The following JAKMIP3 variants were observed in gnomAD, a reference collection of about 807,000 sequenced individuals.
The protein encoded by JAKMIP3 is janus kinase and microtubule-interacting protein 3.
In JAKMIP3, 58 loss-of-function variants were observed where a neutral mutation model predicts 118.5. The ratio of observed to expected loss-of-function variants is 0.49; its 90% CI spans 0.40 to 0.61. JAKMIP3 has a LOEUF of 0.61. JAKMIP3 is among the 20% of genes least tolerant of loss of function. The pLI is 0.00. For synonymous variants in JAKMIP3, 486 were observed against 451.2 expected (o/e 1.08, Z -0.98); for missense variants, 950 against 1,109.0 (o/e 0.86, Z 2.04).
intron 19 of JAKMIP3, among the ~76,000 whole-genome samples, chr10:132,161,311 T>G (rs112539810): frequency 0.024 from 13 of 540 alleles, 1 homozygote; most frequent in Non-Finnish European, 0.04. Flanking sequence ...GATGCTGGGG[T>G]GGTCTCTCCC....
At chr10:132,119,179 C>T (rs189538251) in intron 3 of JAKMIP3, among the ~76,000 whole-genome samples, 167 of 145,590 alleles carry the variant, frequency 1.1e-3, no homozygotes, top group Middle Eastern at 3.4e-3. Flanking sequence ...CCAGATCTCT[C>T]CCCTCCGTAC....
intron 23 of JAKMIP3, chr10:132,169,937 G>C (rs1590026683): frequency 6.6e-6 from 1 of 152,538 alleles, no homozygotes; most frequent in Admixed American, 6.5e-5. Context: ...CTTCAGGTGC[G>C]TGGTGGACGA....
intron 1 of JAKMIP3, among the ~76,000 whole-genome samples, chr10:132,048,798 G>A (rs1485827583): frequency 2.1e-5 from 2 of 94,908 alleles, no homozygotes; most frequent in Admixed American, 1.3e-4. Flanking sequence ...CACCACCCCC[G>A]ACTAATTTTT....
chr10:132,156,202 G>A (rs776659238), intron 19 of JAKMIP3, among the ~76,000 whole-genome samples: 5 of 152,142 alleles, frequency 3.3e-5, no homozygotes, highest in Non-Finnish European at 7.4e-5. Flanking sequence ...CCAGGCCCCC[G>A]CCTCCCTCCC....
At chr10:132,120,733 C>T (rs935792778) in intron 3 of JAKMIP3, among the ~76,000 whole-genome samples, 11 of 152,172 alleles carry the variant, frequency 7.2e-5, no homozygotes, top group Admixed American at 3.3e-4. Context: ...CCCAATGGGG[C>T]CCCCTTGCCT....
chr10:132,125,198 T>C (rs1390399861), intron 3 of JAKMIP3, among the ~76,000 whole-genome samples: 3 of 152,242 alleles, frequency 2.0e-5, no homozygotes, highest in Non-Finnish European at 4.4e-5. Flanking sequence ...GCCTTATTGT[T>C]TTTCTCTTAA....
intron 19 of JAKMIP3, among the ~76,000 whole-genome samples, chr10:132,159,621 T>TCCTCTTCCTTTGTGATGCTGGGGGG (rs779364261): frequency 2.6e-5 from 1 of 38,812 alleles, no homozygotes; most frequent in Non-Finnish European, 4.8e-5. Flanking sequence ...ATGCTGGGGG[T>TCCTCTTCCTTTGTGATGCTGGGGGG]CCTCTTCCTT....
chr10:132,072,390 A>G (rs1270830550), intron 1 of JAKMIP3, among the ~76,000 whole-genome samples: 1 of 152,002 alleles, frequency 6.6e-6, no homozygotes, highest in Non-Finnish European at 1.5e-5. Context: ...ACAAAAAATT[A>G]AAAAATTAGC....
chr10:132,108,569 T>C (rs1405948974), intron 2 of JAKMIP3, among the ~76,000 whole-genome samples: 3 of 151,782 alleles, frequency 2.0e-5, no homozygotes, highest in Non-Finnish European at 4.4e-5. Context: ...CTGACCCTGC[T>C]CCTACCTCAT....
intron 1 of JAKMIP3, among the ~76,000 whole-genome samples, chr10:132,103,906 GC>G (rs1022026224): frequency 6.6e-6 from 1 of 152,104 alleles, no homozygotes; most frequent in African/African-American, 2.4e-5. Flanking sequence ...CCAGCCCCTG[GC>G]ACCCACCATT....
chr10:132,159,670 GGT>G (rs1564981921), intron 19 of JAKMIP3, among the ~76,000 whole-genome samples: 102 of 118,806 alleles, frequency 8.6e-4, no homozygotes, highest in Non-Finnish European at 1.4e-3. Context: ...GATGCTGGGG[GGT>G]CCTCTCCCTA....
At chr10:132,166,917 A>G (rs2058966002) in intron 21 of JAKMIP3, 66 bp from the exon 22 acceptor site, 3 of 1,136,000 alleles carry the variant, frequency 2.6e-6, no homozygotes, top group African/African-American at 3.1e-5. Context: ...TTCTTGCCAG[A>G]AGCACTACAA....
chr10:132,130,484 G>A (rs2050359746), intron 3 of JAKMIP3, among the ~76,000 whole-genome samples: 1 of 152,242 alleles, frequency 6.6e-6, no homozygotes, highest in African/African-American at 2.4e-5. Context: ...GCCCCCCTGA[G>A]GTGCAGACTC....
At chr10:132,060,123 G>C (rs965528165), upstream of JAKMIP3, among the ~76,000 whole-genome samples, 1 of 152,192 alleles carries the variant, frequency 6.6e-6, no homozygotes, top group African/African-American at 2.4e-5. Context: ...GACACTGGAC[G>C]AAATAAGCCC....
intron 2 of JAKMIP3, among the ~76,000 whole-genome samples, chr10:132,116,420 A>C (rs1395477872): frequency 8.2e-6 from 1 of 122,520 alleles, no homozygotes; most frequent in Non-Finnish European, 1.6e-5. Context: ...TTCAGGTGTG[A>C]GTGTGTGCAA....
At chr10:132,180,798 CTGTGAGTGGTGTGTTGTGTATGCATGTGT>C (rs1185924882) in intron 23 of JAKMIP3, among the ~76,000 whole-genome samples, 1 of 134,756 alleles carries the variant, frequency 7.4e-6, no homozygotes, top group Non-Finnish European at 1.6e-5. Flanking sequence ...TATGCATGTG[CTGTGAGTGGTGTGTTGTGTATGCATGTGT>C]GTATATATCG....
Position 132,164,685 on chromosome 10 carries a change from G to A in JAKMIP3, c.2440G>A (p.Glu814Lys), listed in dbSNP as rs1167901653. The A allele has an allele frequency of 1.9e-6, 3 of 1,593,766 alleles. No homozygotes were observed. In the East Asian group the frequency reaches 6.7e-5, roughly 36 times the overall value. Residue 814 changes from glutamate to lysine, a missense_variant, in exon 21 of 24, where the codon GAA (glutamate) becomes AAA (lysine). Physicochemically the swap from Glu to Lys is moderately conservative, Grantham distance 56. Transcript: ENST00000684848. ...AATCTTGCAGAGAATTAAAGAGTTA[G>A]AAGAAAGAATAGAAGCTCAGAAGAG... ...QLAQQRIKEL[E>K]ERIEAQKRQI...
At position 132,142,071 on chromosome 10, in the gene JAKMIP3, G is replaced by GCA. The variant is rs1554948000; in HGVS notation, c.1602+23_1602+24insCA. 1.2e-4 allele frequency: 188 copies of GCA among 1,592,328 alleles called. No individual in the cohort carries two copies. The African/African-American group carries it at 2.0e-3, about 17-fold the overall frequency. On this transcript the variant is annotated intron_variant, in intron 11 of 23. Coordinates refer to ENST00000684848, the MANE Select transcript of JAKMIP3 (RefSeq NM_001323087.2). ...AAGGTCTACGTGACTTCCACCGCGC[G>GCA]TTCCGGCCCCCCTCGTGCCTTCCCG...
At chr10:132,047,335 G>A (rs1247374501) in intron 1 of JAKMIP3, among the ~76,000 whole-genome samples, 3 of 152,208 alleles carry the variant, frequency 2.0e-5, no homozygotes, top group Admixed American at 2.0e-4. Flanking sequence ...CAGCATTACT[G>A]CGTTAATTGA....
Sources: allele counts gnomAD v4.1 joint callset (sites outside exome capture counted in the v4.1 genomes callset), GRCh38; gene constraint gnomAD v4.1.1; transcripts MANE v1.5; gene names NCBI Gene and HGNC (gene_info 2026-07-23, HGNC 2026-07-21).